CEP76: variants seen among roughly 807,000 people sequenced by gnomAD.
CEP76 encodes centrosomal protein 76.
Under a neutral mutation model 83.3 loss-of-function variants are expected in CEP76, and 55 were observed. That is an observed-to-expected ratio of 0.66 (90% CI 0.53 to 0.83). The LOEUF (loss-of-function observed/expected upper bound fraction) is 0.83, where lower values mean the gene tolerates loss of function less well. CEP76 is among the 40% of genes least tolerant of loss of function. The pLI is 0.00. For missense variants in CEP76, 694 were observed against 799.5 expected, an observed-to-expected ratio of 0.87 and a Z score of 1.59; for synonymous variants, 270 against 274.5, an observed-to-expected ratio of 0.98 and a Z score of 0.16.
chr18:12,668,734 C>CTTTTTTTTT (rs543253434), downstream of CEP76, among the ~76,000 whole-genome samples: 2 of 96,736 alleles, frequency 2.1e-5, no homozygotes, highest in Non-Finnish European at 4.0e-5. Context: ...CACTTTATTC[C>CTTTTTTTTT]TTTTTTTTTT....
At chr18:12,681,755 T>C (rs570436311) in intron 8 of CEP76, among the ~76,000 whole-genome samples, 2 of 152,174 alleles carry the variant, frequency 1.3e-5, no homozygotes, top group Non-Finnish European at 2.9e-5. Flanking sequence ...GGGGAGGTTA[T>C]ATATAATTTT....
At chr18:12,676,719 C>T (rs1179919532) in intron 10 of CEP76, among the ~76,000 whole-genome samples, 2 of 152,164 alleles carry the variant, frequency 1.3e-5, no homozygotes, top group Admixed American at 6.5e-5. Flanking sequence ...GGTCCCCTGA[C>T]CAACTTTTGC....
chr18:12,691,433 C>T lies in CEP76; in HGVS notation c.859G>A (p.Ala287Thr). The T allele has an allele frequency of 6.2e-7, 1 of 1,609,314 alleles. No individual in the cohort carries two copies. Among genetic ancestry groups the T allele is most frequent in the Non-Finnish European group, 8.5e-7 (1 of 1,177,312 alleles). Reference sequence around the variant, plus strand: ...AAATATTCTCTCCACCACTGCTTAGCATATACAAGAAATAATCGCTCTTTC... The same window carrying T: ...AAATATTCTCTCCACCACTGCTTAGTATATACAAGAAATAATCGCTCTTTC... ...AEKERLFLVY[A>T]KQWWREYLQI... is the part of the protein sequence containing the mutation. Residue 287 changes from alanine (A) to threonine (T), a missense_variant, in exon 7 of 12, where the codon GCT (alanine) becomes ACT (threonine). Coordinates refer to ENST00000262127, the MANE Select transcript of CEP76 (RefSeq NM_024899.4).
Position 12,678,261 on chromosome 18 carries a change from T to C in CEP76, c.1471A>G (p.Met491Val), listed in dbSNP as rs771214847. Reference protein sequence around the residue: ...DLNDESKWKPMSEEAIKSVCA... With the variant: ...DLNDESKWKPVSEEAIKSVCA... ...ACAGATTTAATTGCTTCCTCACTCA[T>C]GGGTTTCCATTTGGATTCATCGTTC... The change falls in exon 10 of 12, where the codon ATG becomes GTG. Residue 491 changes from methionine (M) to valine (V), a missense_variant. Coordinates refer to ENST00000262127, the MANE Select transcript of CEP76 (RefSeq NM_024899.4). 1 of 1,614,174 alleles carries C rather than the reference T, an allele frequency of 6.2e-7. No individual in the cohort carries two copies. The highest frequency in any genetic ancestry group is 1.1e-5 in the South Asian group (1 of 91,086).
intron 1 of CEP76, among the ~76,000 whole-genome samples, chr18:12,701,793 C>T (rs1211902392): frequency 6.6e-6 from 1 of 152,186 alleles, no homozygotes; most frequent in East Asian, 1.9e-4. Context: ...GATTGAAGCT[C>T]CTGGTTCAAC....
intron 2 of CEP76, 55 bp from the exon 3 acceptor site, chr18:12,699,960 G>T: frequency 8.3e-7 from 1 of 1,206,352 alleles, no homozygotes; most frequent in South Asian, 1.5e-5. Flanking sequence ...TATAGGTTAA[G>T]GAAATGTCAA....
chr18:12,682,125 A>G (rs1275018312), intron 8 of CEP76, among the ~76,000 whole-genome samples: 6 of 152,234 alleles, frequency 3.9e-5, no homozygotes, highest in Non-Finnish European at 7.3e-5. Context: ...GAAAGCAAAA[A>G]TAACTATTTG....
chr18:12,682,131 ATT>A (rs997682585), intron 8 of CEP76, among the ~76,000 whole-genome samples: 19 of 152,158 alleles, frequency 1.2e-4, no homozygotes, highest in African/African-American at 4.6e-4. Flanking sequence ...AAAAATAACT[ATT>A]TGAGTTGAGT....
Position 12,699,212 on chromosome 18 carries a change from T to A in CEP76, c.296-9A>T. 1 of 1,573,222 alleles carries A rather than the reference T, an allele frequency of 6.4e-7. No homozygotes were observed. The highest frequency in any genetic ancestry group is 8.7e-7 in the Non-Finnish European group (1 of 1,145,928). On this transcript the variant is annotated splice_polypyrimidine_tract_variant and intron_variant, in intron 3 of 11. Transcript: ENST00000262127. ...TGTTGGATCAATATTAGCTGTAAAGTGTAGCAATATATATGAGGAAACTGC... is the reference window on the plus strand; with the variant it reads ...TGTTGGATCAATATTAGCTGTAAAGAGTAGCAATATATATGAGGAAACTGC...
At chr18:12,668,597 C>CAAAAAAAAAAAAAAAAAAAAAAAAA (rs752216074), downstream of CEP76, among the ~76,000 whole-genome samples, 4 of 72,836 alleles carry the variant, frequency 5.5e-5, no homozygotes, top group Non-Finnish European at 9.7e-5. Context: ...GATTCCATCT[C>CAAAAAAAAAAAAAAAAAAAAAAAAA]AAAAAAAAAA....
chr18:12,667,848 CTTTTTTTTTTTT>C (rs36019439), downstream of CEP76, among the ~76,000 whole-genome samples: 2 of 116,738 alleles, frequency 1.7e-5, no homozygotes, highest in Non-Finnish European at 3.4e-5. Flanking sequence ...CTTTCTGATC[CTTTTTTTTTTTT>C]TTTTTTTTTA....
chr18:12,667,643 C>T (rs2038828858), downstream of CEP76, among the ~76,000 whole-genome samples: 1 of 151,518 alleles, frequency 6.6e-6, no homozygotes, highest in African/African-American at 2.4e-5. Context: ...TGCCTGTACT[C>T]CCAGCTACTC....
intron 4 of CEP76, among the ~76,000 whole-genome samples, 156 bp from the exon 5 acceptor site, chr18:12,697,564 C>A (rs1007103065): frequency 1.3e-5 from 2 of 152,198 alleles, no homozygotes; most frequent in African/African-American, 2.4e-5. Flanking sequence ...ACTGGAAATA[C>A]AAGTACAGTC....
chr18:12,674,082 G>T (rs1318753831), intron 11 of CEP76, among the ~76,000 whole-genome samples: 1 of 151,992 alleles, frequency 6.6e-6, no homozygotes, highest in Non-Finnish European at 1.5e-5. Context: ...ATCAAAATCT[G>T]TGGCAAGGAG....
chr18:12,680,516 G>C (rs1036543615), intron 9 of CEP76, 146 bp downstream of exon 9: 2 of 499,414 alleles, frequency 4.0e-6, no homozygotes, highest in Non-Finnish European at 6.7e-6. Flanking sequence ...GAATCGGCTT[G>C]AACCTGGGAG....
At position 12,691,341 on chromosome 18, in the gene CEP76, CTAATA is replaced by C; in HGVS notation, c.933+13_933+17del. Reference sequence around the variant, plus strand: ...TCTCAAATACAGGCATAAAATTATTCTAATATAATTTACAAACCTGTGCAAAAATC... The same window carrying C: ...TCTCAAATACAGGCATAAAATTATTCTAATTTACAAACCTGTGCAAAAATC... On this transcript the variant is annotated intron_variant, in intron 7 of 11. Coordinates refer to ENST00000262127, the MANE Select transcript of CEP76 (RefSeq NM_024899.4). 4 of 1,506,932 alleles carry C rather than the reference CTAATA, an allele frequency of 2.7e-6. No individual in the cohort carries two copies. Among genetic ancestry groups the C allele is most frequent in the Non-Finnish European group, 3.6e-6 (4 of 1,116,876 alleles). 93.3% of individuals were successfully genotyped at this position (1,506,932 alleles called of 1,614,324 possible). A position where few individuals can be genotyped will look rare whatever the true frequency, so the allele number is the denominator to read the frequency against.
Position 12,701,030 on chromosome 18 carries a change from T to A in CEP76, c.147A>T (p.Thr49=), listed in dbSNP as rs372389330. The stretch of plus-strand genomic sequence containing the variant: ...GTCTAAGGGCTTTGATCAAATCTTC[T>A]GTTGATAAATGCTGTTGATCAGGTG... The part of the protein sequence containing the change: ...ELAPDQQHLS[T]EDLIKALRRR... The change falls in exon 2 of 12, where the codon ACA becomes ACT. Residue 49 remains threonine (T), a synonymous_variant. Transcript: ENST00000262127. The A allele has an allele frequency of 6.1e-5, 98 of 1,613,824 alleles. No individual in the cohort carries two copies. Among genetic ancestry groups the A allele is most frequent in the Admixed American group, 8.3e-5 (5 of 60,006 alleles).
chr18:12,679,093 G>A (rs2039250731), intron 9 of CEP76: 2 of 152,272 alleles, frequency 1.3e-5, no homozygotes, highest in East Asian at 3.9e-4. Context: ...GAGGGCCCAG[G>A]GCTGGGCCTC....
chr18:12,691,363 G>T lies in CEP76; in HGVS notation c.929C>A (p.Ala310Glu). 6.4e-7 allele frequency: 1 copy of T among 1,569,188 alleles called. No individual in the cohort carries two copies. The highest frequency in any genetic ancestry group is 8.6e-7 in the Non-Finnish European group (1 of 1,158,020). ...SHNSRLVKIF[A>E]QDENGINRPV... The stretch of plus-strand genomic sequence containing the variant: ...ATTCTAATATAATTTACAAACCTGT[G>T]CAAAAATCTTAACCAGTCGTGAGTT... The change falls in exon 7 of 12, where the codon GCA (alanine) becomes GAA (glutamate). Residue 310 changes from alanine (A) to glutamate (E), a missense_variant. Ala to Glu is a moderately radical substitution (Grantham distance 107). Transcript: ENST00000262127.
Sources: allele counts gnomAD v4.1 joint callset (sites outside exome capture counted in the v4.1 genomes callset), GRCh38; gene constraint gnomAD v4.1.1; transcripts MANE v1.5; gene names NCBI Gene and HGNC (gene_info 2026-07-23, HGNC 2026-07-21).